Variants in IZUMO1 observed in about 807,000 individuals in gnomAD.
IZUMO1 encodes izumo sperm-egg fusion protein 1.
A neutral mutation model predicts 40.7 loss-of-function variants in IZUMO1; 44 were observed. The ratio of observed to expected loss-of-function variants is 1.08; its 90% CI spans 0.85 to 1.39. The LOEUF is 1.39. Among genes scored for constraint, IZUMO1 ranks in the 40% most tolerant of loss-of-function variants. The pLI, the probability that IZUMO1 is intolerant of heterozygous loss-of-function variation, is 0.00. For missense variants in IZUMO1, 368 were observed against 436.9 expected (o/e 0.84, Z 1.41); for synonymous variants, 149 against 170.9 (o/e 0.87, Z 1.00).
chr19:48,742,220 T>G lies in IZUMO1; in HGVS notation c.589A>C (p.Ser197Arg). The G allele has an allele frequency of 6.2e-7, 1 of 1,613,206 alleles. No homozygotes were observed. Among genetic ancestry groups the G allele is most frequent in the Non-Finnish European group, 8.5e-7 (1 of 1,179,132 alleles). ...GTTGAGGCCCTCACCCTGTAAAAGCTGTAATCAGTGAGGCCTTCCGAAGCC... is the reference window on the plus strand; with the variant it reads ...GTTGAGGCCCTCACCCTGTAAAAGCGGTAATCAGTGAGGCCTTCCGAAGCC... The part of the protein sequence containing the change: ...HQASEGLTDY[S>R]FYRVWGNNTE... Residue 197 changes from serine to arginine, a missense_variant, in exon 7 of 10, where the codon AGC (serine) becomes CGC (arginine). Physicochemically the swap from Ser to Arg is moderately radical, Grantham distance 110. Transcript: ENST00000332955.
chr19:48,745,548 G>A, intron 2 of IZUMO1, 77 bp downstream of exon 2: 1 of 1,554,764 alleles, frequency 6.4e-7, no homozygotes, highest in Admixed American at 1.7e-5. Flanking sequence ...AGACCCTGCT[G>A]TCAGCCTCTT....
chr19:48,744,798 C>G (rs549639586), intron 3 of IZUMO1, among the ~76,000 whole-genome samples: 1 of 152,054 alleles, frequency 6.6e-6, no homozygotes, highest in South Asian at 2.1e-4. Flanking sequence ...GCAATCCCCC[C>G]GCCTCAACCC....
chr19:48,743,721 G>A (rs1481617501), intron 5 of IZUMO1, 196 bp from the exon 6 acceptor site: 13 of 598,022 alleles, frequency 2.2e-5, no homozygotes, highest in East Asian at 2.8e-5. Flanking sequence ...GGCCGGATGC[G>A]GTGGCTTACT....
chr19:48,741,056 T>C lies in IZUMO1; in HGVS notation c.933-28A>G, dbSNP rs1219112453. ...AGGGGTGGGAGTGGGGTGCAGATCA[T>C]GGAACCGGTTTGGGTACTAATTGTG... On this transcript the variant is annotated intron_variant, in intron 9 of 9. Coordinates refer to ENST00000332955, the MANE Select transcript of IZUMO1 (RefSeq NM_182575.3). This position sits in a 1 kb window ranked among gnomAD's most constrained non-coding sequence, Gnocchi z 4.4. 6.2e-7 allele frequency: 1 copy of C among 1,612,878 alleles called. No individual in the cohort carries two copies. The highest frequency in any genetic ancestry group is 8.5e-7 in the Non-Finnish European group (1 of 1,179,748).
In IZUMO1 at chr19:48,741,449, G is replaced by GTTT; in HGVS notation, c.781_783dup (p.Lys261dup). ...CCCGGGGTTACGATATTTGGAGAAG[G>GTTT]TTTTTCCTCCTTGATCATTTTGGGC... is the stretch of plus-strand genomic sequence containing the variant. On this transcript the variant is annotated inframe_insertion, in exon 9 of 10. Transcript: ENST00000332955. This position sits in a 1 kb window ranked among gnomAD's most constrained non-coding sequence, Gnocchi z 4.4. The GTTT allele has an allele frequency of 3.7e-6, 6 of 1,611,874 alleles. No homozygotes were observed. Among genetic ancestry groups the GTTT allele is most frequent in the Non-Finnish European group, 5.1e-6 (6 of 1,178,268 alleles).
In IZUMO1 at chr19:48,746,871, C is replaced by T. The variant is rs1479502069; in HGVS notation, c.-510G>A. On this transcript the variant is annotated 5_prime_UTR_variant, in exon 1 of 10. Coordinates refer to ENST00000332955, the MANE Select transcript of IZUMO1 (RefSeq NM_182575.3). ...AACTCCTGAAACCACCCCCTCCGAG[C>T]TTCTCACGTAGGGGCCCGAATTCCT... 1.2e-5 allele frequency: 12 copies of T among 985,332 alleles called. No homozygotes were observed. The highest frequency in any genetic ancestry group is 1.2e-5 in the Non-Finnish European group (10 of 829,898). The allele number at this position is 985,332 out of a possible 1,614,324, so 61.0% of individuals were successfully genotyped here. A position where few individuals can be genotyped will look rare whatever the true frequency, so the allele number is the denominator to read the frequency against.
rs540894732 is a variant in IZUMO1 at position 48,742,450 on chromosome 19, C to T, written c.500-141G>A. On this transcript the variant is annotated intron_variant, in intron 6 of 9. Transcript: ENST00000332955. ...GCAACCTCCGCTTCCTGGGTTCAAG[C>T]GATTCTCTTGCCTCAGCCTCCTGAG... The T allele has an allele frequency of 1.4e-4, 91 of 643,030 alleles. 1 individual carries two copies. The highest frequency in any genetic ancestry group is 1.4e-3 in the South Asian group (82 of 58,408). 39.8% of individuals were successfully genotyped at this position (643,030 alleles called of 1,614,324 possible).
In IZUMO1 at chr19:48,746,906, T is replaced by G; in HGVS notation, c.-545A>C. Reference sequence around the variant, plus strand: ...AGGGGCCCGAATTCCTTTATAGATATTCCTTGGGGTTTTCCTCGGCCCCAC... The same window carrying G: ...AGGGGCCCGAATTCCTTTATAGATAGTCCTTGGGGTTTTCCTCGGCCCCAC... On this transcript the variant is annotated 5_prime_UTR_variant, in exon 1 of 10. Transcript: ENST00000332955. 2.0e-6 allele frequency: 2 copies of G among 985,396 alleles called. No individual in the cohort carries two copies. Among genetic ancestry groups the G allele is most frequent in the South Asian group, 4.7e-5 (1 of 21,270 alleles). The allele number at this position is 985,396 out of a possible 1,614,324, so 61.0% of individuals were successfully genotyped here.
Position 48,741,101 on chromosome 19 carries a change from C to A in IZUMO1, c.933-73G>T. 4 of 1,594,254 alleles carry A rather than the reference C, an allele frequency of 2.5e-6. No individual in the cohort carries two copies. The highest frequency in any genetic ancestry group is 3.4e-6 in the Non-Finnish European group (4 of 1,166,746). The stretch of plus-strand genomic sequence containing the variant: ...ATTGTGTGGGGGACACCCCTCCCAA[C>A]CTCCCCCTTTGTGACCTTATTCTAG... On this transcript the variant is annotated intron_variant, in intron 9 of 9. Transcript: ENST00000332955. The surrounding 1 kb of genome is among the most constrained non-coding windows in gnomAD (Gnocchi z 4.4).
Position 48,744,169 on chromosome 19 carries a change from A to G in IZUMO1, c.418+6T>C, listed in dbSNP as rs772150865. 98 of 1,613,152 alleles carry G rather than the reference A, an allele frequency of 6.1e-5. No homozygotes were observed. In the Admixed American group the frequency reaches 1.6e-3, roughly 27 times the overall value. On this transcript the variant is annotated splice_donor_region_variant and intron_variant, in intron 5 of 9. Transcript: ENST00000332955. Reference sequence around the variant, plus strand: ...ATGAGGGTTAACTTCTGTAATCCAGACTCACCACATTTGTTGGGACAATAA... The same window carrying G: ...ATGAGGGTTAACTTCTGTAATCCAGGCTCACCACATTTGTTGGGACAATAA...
Position 48,746,593 on chromosome 19 carries a change from A to G in IZUMO1, c.-232T>C, listed in dbSNP as rs1270139044. The G allele has an allele frequency of 9.1e-6, 9 of 985,448 alleles. No homozygotes were observed. The highest frequency in any genetic ancestry group is 1.1e-5 in the Non-Finnish European group (9 of 830,056). 61.0% of individuals were successfully genotyped at this position (985,448 alleles called of 1,614,324 possible). A position where few individuals can be genotyped will look rare whatever the true frequency, so the allele number is the denominator to read the frequency against. ...GAAAAAGGAGCCCCGATGCATCCTG[A>G]ACAGTGATGCACCCTAAACAGCCGC... On this transcript the variant is annotated 5_prime_UTR_variant, in exon 1 of 10. Transcript: ENST00000332955.
At chr19:48,742,350 T>C (rs763149980) in intron 6 of IZUMO1, 41 bp from the exon 7 acceptor site, 2 of 1,397,526 alleles carry the variant, frequency 1.4e-6, no homozygotes, top group Non-Finnish European at 1.0e-6. Flanking sequence ...ATGATTCTGT[T>C]TTTGTTTTTG....
intron 5 of IZUMO1, chr19:48,743,931 C>T: frequency 1.9e-6 from 1 of 520,604 alleles, no homozygotes; most frequent in Non-Finnish European, 3.5e-6. Context: ...GTGGAGGTTG[C>T]AGTGAGCCGT....
chr19:48,741,495 A>G lies in IZUMO1; in HGVS notation c.755-17T>C. On this transcript the variant is annotated splice_polypyrimidine_tract_variant and intron_variant, in intron 8 of 9. Transcript: ENST00000332955. This position sits in a 1 kb window ranked among gnomAD's most constrained non-coding sequence, Gnocchi z 4.4. ...TGGGCAACACTGTTAGAGAAAGCGT[A>G]AAGAGCAGTCCTGGCAGGGCGTGGA... 6.3e-7 allele frequency: 1 copy of G among 1,595,458 alleles called. No homozygotes were observed. Among genetic ancestry groups the G allele is most frequent in the Non-Finnish European group, 8.6e-7 (1 of 1,165,144 alleles).
intron 6 of IZUMO1, among the ~76,000 whole-genome samples, chr19:48,742,590 TG>T (rs1484066367): frequency 6.6e-6 from 1 of 151,978 alleles, no homozygotes; most frequent in Non-Finnish European, 1.5e-5. Flanking sequence ...TCAGGTGATC[TG>T]CCTGCCTCAG....
rs752028073 is a variant in IZUMO1, at chr19:48,741,004, G to C, written c.957C>G (p.Ile319Met). 1 of 1,614,082 alleles carries C rather than the reference G, an allele frequency of 6.2e-7. No individual in the cohort carries two copies. Among genetic ancestry groups the C allele is most frequent in the South Asian group, 1.1e-5 (1 of 91,070 alleles). The change falls in exon 10 of 10, where the codon ATC (isoleucine) becomes ATG (methionine). Residue 319 changes from isoleucine (I) to methionine (M), a missense_variant. Coordinates refer to ENST00000332955, the MANE Select transcript of IZUMO1 (RefSeq NM_182575.3). This position sits in a 1 kb window ranked among gnomAD's most constrained non-coding sequence, Gnocchi z 4.4. Reference protein sequence around the residue: ...TFAIFRRRKVIDFIKSSLFGL... With the variant: ...TFAIFRRRKVMDFIKSSLFGL... ...CAAACAGTGAGGATTTGATGAAATC[G>C]ATCACCTTCCTTCGACGAAATATCC...
At position 48,741,169 on chromosome 19, in the gene IZUMO1, C is replaced by A; in HGVS notation, c.932+132G>T. The A allele has an allele frequency of 7.0e-7, 1 of 1,435,648 alleles. No individual in the cohort carries two copies. The highest frequency in any genetic ancestry group is 2.3e-5 in the East Asian group (1 of 42,744). 88.9% of individuals were successfully genotyped at this position (1,435,648 alleles called of 1,614,324 possible). On this transcript the variant is annotated intron_variant, in intron 9 of 9. Transcript: ENST00000332955. The surrounding 1 kb of genome is among the most constrained non-coding windows in gnomAD (Gnocchi z 4.4). ...CCCTTCGAAGTCCTCCTATTCAAGC[C>A]CCCCGCACTCCATCCCCAGGAAAGT...
chr19:48,745,124 C>A, intron 3 of IZUMO1, 90 bp downstream of exon 3: 1 of 1,103,870 alleles, frequency 9.1e-7, no homozygotes, highest in South Asian at 1.3e-5. Flanking sequence ...CGGTCTGGGT[C>A]CACAGCCTAG....
Position 48,746,598 on chromosome 19 carries a change from T to A in IZUMO1, c.-237A>T, listed in dbSNP as rs2033891794. The A allele has an allele frequency of 4.1e-6, 4 of 985,164 alleles. No homozygotes were observed. The highest frequency in any genetic ancestry group is 6.2e-5 in the Admixed American group (1 of 16,224). The allele number at this position is 985,164 out of a possible 1,614,324, so 61.0% of individuals were successfully genotyped here. On this transcript the variant is annotated 5_prime_UTR_variant, in exon 1 of 10. Coordinates refer to ENST00000332955, the MANE Select transcript of IZUMO1 (RefSeq NM_182575.3). ...AGGAGCCCCGATGCATCCTGAACAGTGATGCACCCTAAACAGCCGCTCCCC... is the reference window on the plus strand; with the variant it reads ...AGGAGCCCCGATGCATCCTGAACAGAGATGCACCCTAAACAGCCGCTCCCC...
Sources: gnomAD v4.1 joint callset for allele counts (sites outside exome capture counted in the v4.1 genomes callset) on GRCh38, gnomAD v4.1.1 for gene constraint, Gnocchi (gnomAD v3.1) non-coding constraint, MANE v1.5 for transcripts, NCBI Gene and HGNC (gene_info 2026-07-23, HGNC 2026-07-21) for gene names.